DYNC1LI2: variants seen among roughly 807,000 people sequenced by gnomAD.
DYNC1LI2 encodes the protein cytoplasmic dynein 1 light intermediate chain 2.
In DYNC1LI2, 19 loss-of-function variants were observed where a neutral mutation model predicts 57.8. That is an observed-to-expected ratio of 0.33 (90% CI 0.23 to 0.48). The LOEUF is 0.48. Among genes scored for constraint, DYNC1LI2 ranks in the 20% least tolerant of loss-of-function variants. The pLI is 0.99. For synonymous variants in DYNC1LI2, 256 were observed against 233.4 expected (o/e 1.10, Z -0.88); for missense variants, 470 against 604.2 (o/e 0.78, Z 2.33).
chr16:66,745,037 T>A (rs2017910329), intron 3 of DYNC1LI2, among the ~76,000 whole-genome samples: 1 of 152,006 alleles, frequency 6.6e-6, no homozygotes, highest in African/African-American at 2.4e-5. Flanking sequence ...AGCTTCTGAG[T>A]AGCTGGGATT....
chr16:66,728,860 G>A (rs977801753), intron 9 of DYNC1LI2, among the ~76,000 whole-genome samples, 180 bp downstream of exon 9: 7 of 152,164 alleles, frequency 4.6e-5, no homozygotes, highest in African/African-American at 1.7e-4. Context: ...ATCTCCTAAG[G>A]AGGTGGTCCA....
chr16:66,745,521 G>A (rs1324892395), intron 3 of DYNC1LI2, among the ~76,000 whole-genome samples: 1 of 150,780 alleles, frequency 6.6e-6, no homozygotes, highest in Non-Finnish European at 1.5e-5. Flanking sequence ...CAAGGGGTCC[G>A]CCCACCTCAG....
rs1204569187 is a variant in DYNC1LI2 at position 66,723,040 on chromosome 16, A to AC, written c.*681dup. 8 of 322,376 alleles carry AC rather than the reference A, an allele frequency of 2.5e-5. No homozygotes were observed. The highest frequency in any genetic ancestry group is 1.5e-4 in the African/African-American group (7 of 46,222). 20.0% of individuals were successfully genotyped at this position (322,376 alleles called of 1,614,324 possible). A position where few individuals can be genotyped will look rare whatever the true frequency, so the allele number is the denominator to read the frequency against. ...GTCCTGGGCAGCTGCCATCGTTCCC[A>AC]CCCCTGGGTCAGCTCCGCCTGACTC... On this transcript the variant is annotated 3_prime_UTR_variant, in exon 13 of 13. Coordinates refer to ENST00000258198, the MANE Select transcript of DYNC1LI2 (RefSeq NM_006141.3).
chr16:66,726,243 C>T (rs532218685), intron 11 of DYNC1LI2, among the ~76,000 whole-genome samples: 18 of 152,304 alleles, frequency 1.2e-4, no homozygotes, highest in Middle Eastern at 3.4e-3. Context: ...CTTAACATTC[C>T]AAACCTGCTG....
At chr16:66,733,826 A>G (rs1208854734) in intron 6 of DYNC1LI2, 1 of 191,038 alleles carries the variant, frequency 5.2e-6, no homozygotes, top group African/African-American at 2.4e-5. Flanking sequence ...GCACCACTGT[A>G]CTCCAGCCTG....
rs751456196 is a variant in DYNC1LI2 at position 66,751,429 on chromosome 16, G to A, written c.107+56C>T. On this transcript the variant is annotated intron_variant, in intron 1 of 12. Transcript: ENST00000258198. This position sits in a 1 kb window ranked among gnomAD's most constrained non-coding sequence, Gnocchi z 5.2. ...GCGTCGGCCCCTCAGTGTGTCCGAC[G>A]GTCCGGCCCAGAGGCCGCGCCCCCC... 7.6e-6 allele frequency: 12 copies of A among 1,581,368 alleles called. No homozygotes were observed. The highest frequency in any genetic ancestry group is 3.6e-5 in the Admixed American group (2 of 55,090).
At chr16:66,731,541 A>AT (rs1243295612) in intron 7 of DYNC1LI2, 3 of 152,450 alleles carry the variant, frequency 2.0e-5, no homozygotes, top group Non-Finnish European at 2.9e-5. Context: ...TTTCCCTGCC[A>AT]TACTTCCTCC....
At position 66,721,600 on chromosome 16, in the gene DYNC1LI2, A is replaced by C. The variant is rs1423071468; in HGVS notation, c.*2122T>G. ...TGGTAGACTTTGGCAACCACTGAGC[A>C]CATGACACTATGTATCAGCTTCTTC... On this transcript the variant is annotated 3_prime_UTR_variant, in exon 13 of 13. Coordinates refer to ENST00000258198, the MANE Select transcript of DYNC1LI2 (RefSeq NM_006141.3). The C allele has an allele frequency of 6.6e-6, 1 of 152,650 alleles. No individual in the cohort carries two copies. Among genetic ancestry groups the C allele is most frequent in the Non-Finnish European group, 1.5e-5 (1 of 68,040 alleles). 9.5% of individuals were successfully genotyped at this position (152,650 alleles called of 1,614,324 possible). A position where few individuals can be genotyped will look rare whatever the true frequency, so the allele number is the denominator to read the frequency against.
chr16:66,727,976 C>G, intron 10 of DYNC1LI2, 171 bp from the exon 11 acceptor site: 2 of 827,616 alleles, frequency 2.4e-6, no homozygotes, highest in Non-Finnish European at 3.7e-6. Flanking sequence ...GAGAGAAAGA[C>G]ATCCAGATAA....
rs200251087 is a variant in DYNC1LI2 at position 66,751,594 on chromosome 16, T to C, written c.-3A>G. 1 of 1,571,558 alleles carries C rather than the reference T, an allele frequency of 6.4e-7. No individual in the cohort carries two copies. Among genetic ancestry groups the C allele is most frequent in the Non-Finnish European group, 8.6e-7 (1 of 1,161,872 alleles). On this transcript the variant is annotated 5_prime_UTR_variant, in exon 1 of 13. Coordinates refer to ENST00000258198, the MANE Select transcript of DYNC1LI2 (RefSeq NM_006141.3). The surrounding 1 kb of genome is among the most constrained non-coding windows in gnomAD (Gnocchi z 5.2). Reference sequence around the variant, plus strand: ...TTCTCCACCCCCACCGGCGCCATCTTGCCAACTGCAGCCACAAAGAGGGCC... The same window carrying C: ...TTCTCCACCCCCACCGGCGCCATCTCGCCAACTGCAGCCACAAAGAGGGCC...
chr16:66,732,314 A>G (rs1388482241), intron 7 of DYNC1LI2, 25 bp downstream of exon 7: 2 of 1,603,444 alleles, frequency 1.2e-6, no homozygotes, highest in Non-Finnish European at 1.7e-6. Context: ...GAAGAGTTTC[A>G]AAGCATCAGC....
In DYNC1LI2 at chr16:66,731,964, GATGTTTGCAGTC is replaced by G. The variant is rs144660570; in HGVS notation, c.929+363_929+374del. The G allele has an allele frequency of 2.2e-3, 388 of 176,966 alleles. 9 individuals are homozygous for G. The East Asian group carries it at 0.054, about 25-fold the overall frequency. 11.0% of individuals were successfully genotyped at this position (176,966 alleles called of 1,614,324 possible). Reference sequence around the variant, plus strand: ...CCCATGCTGACAGAGATGCCGAGAGGATGTTTGCAGTCATCCCTGCCAACACACAGATAAAGC... The same window carrying G: ...CCCATGCTGACAGAGATGCCGAGAGGATCCCTGCCAACACACAGATAAAGC... On this transcript the variant is annotated intron_variant, in intron 7 of 12. Coordinates refer to ENST00000258198, the MANE Select transcript of DYNC1LI2 (RefSeq NM_006141.3).
intron 3 of DYNC1LI2, among the ~76,000 whole-genome samples, chr16:66,747,935 A>AAACC (rs954705732): frequency 4.6e-5 from 7 of 152,166 alleles, no homozygotes; most frequent in East Asian, 1.9e-4. Context: ...TCTACCAAAA[A>AAACC]AACCAACCAA....
intron 8 of DYNC1LI2, among the ~76,000 whole-genome samples, 168 bp from the exon 9 acceptor site, chr16:66,729,267 A>C (rs540248684): frequency 6.6e-5 from 10 of 152,316 alleles, no homozygotes; most frequent in Admixed American, 5.2e-4. Context: ...ACCTCTCCCA[A>C]AACCAGCCGC....
intron 11 of DYNC1LI2, 89 bp from the exon 12 acceptor site, chr16:66,726,033 T>C: frequency 7.5e-7 from 1 of 1,340,794 alleles, no homozygotes. Flanking sequence ...CATTAGCCAC[T>C]TGTGGCTATC....
rs989357499 is a variant in DYNC1LI2 at position 66,750,091 on chromosome 16, C to T, written c.182-778G>A. 3.3e-5 allele frequency among the ~76,000 whole-genome samples: 5 copies of T among 152,182 alleles called. No homozygotes were observed. The East Asian group carries it at 7.7e-4, about 23-fold the overall frequency. On this transcript the variant is annotated intron_variant, in intron 2 of 12. Coordinates refer to ENST00000258198, the MANE Select transcript of DYNC1LI2 (RefSeq NM_006141.3). ...TCCAATGCCTCTACCTTATTCAGGC[C>T]CTCTGCATCCAGACCAAGGTGAGGA...
intron 4 of DYNC1LI2, chr16:66,738,411 C>T (rs1291916623): frequency 6.6e-6 from 1 of 151,958 alleles, no homozygotes; most frequent in East Asian, 2.0e-4. Flanking sequence ...CCATGCCCGG[C>T]TAATTTTGTT....
intron 3 of DYNC1LI2, among the ~76,000 whole-genome samples, chr16:66,748,480 C>T (rs913374855): frequency 2.0e-5 from 3 of 152,088 alleles, no homozygotes; most frequent in Non-Finnish European, 4.4e-5. Flanking sequence ...TTACTACTCA[C>T]GTTTTAAAGA....
At chr16:66,740,064 T>A (rs2017809009) in intron 4 of DYNC1LI2, among the ~76,000 whole-genome samples, 1 of 152,110 alleles carries the variant, frequency 6.6e-6, no homozygotes, top group African/African-American at 2.4e-5. Flanking sequence ...CCCATAGTCC[T>A]ACATAAGCAT....
Sources: allele counts gnomAD v4.1 joint callset (sites outside exome capture counted in the v4.1 genomes callset), GRCh38; gene constraint gnomAD v4.1.1; non-coding constraint Gnocchi (gnomAD v3.1); transcripts MANE v1.5; gene names NCBI Gene and HGNC (gene_info 2026-07-23, HGNC 2026-07-21).